Variants in ERCC4 observed in about 807,000 individuals in gnomAD.
ERCC4 encodes ERCC excision repair 4, endonuclease catalytic subunit, also known as DNA repair endonuclease XPF.
ERCC4 carries 65 observed loss-of-function variants against 76.9 expected under a neutral mutation model. The ratio of observed to expected loss-of-function variants is 0.84; its 90% CI spans 0.69 to 1.04. ERCC4 has a LOEUF of 1.04. Among genes scored for constraint, ERCC4 ranks in the 50% least tolerant of loss-of-function variants. The pLI is 0.00. For missense variants in ERCC4, 1,214 were observed against 1,128.2 expected (o/e 1.08, Z -1.09); for synonymous variants, 463 against 410.1 (o/e 1.13, Z -1.56).
In ERCC4 at chr16:13,935,680, C is replaced by T. The variant is rs1277083545; in HGVS notation, c.1748C>T (p.Ala583Val). ...CCAAGATACGTGGTTCTTTATGACGCAGAGCTAACCTTTGTTCGGCAGCTT... is the reference window on the plus strand; with the variant it reads ...CCAAGATACGTGGTTCTTTATGACGTAGAGCTAACCTTTGTTCGGCAGCTT... ...VEPRYVVLYD[A>V]ELTFVRQLEI... is the part of the protein sequence containing the mutation. Residue 583 changes from alanine to valine, a missense_variant, in exon 8 of 11, where the codon GCA becomes GTA. Coordinates refer to ENST00000311895, the MANE Select transcript of ERCC4 (RefSeq NM_005236.3). The T allele has an allele frequency of 6.2e-7, 1 of 1,614,042 alleles. No homozygotes were observed. Among genetic ancestry groups the T allele is most frequent in the Middle Eastern group, 1.6e-4 (1 of 6,084 alleles).
rs752379459 is a variant in ERCC4 at position 13,920,290 on chromosome 16, A to G, written c.125A>G (p.Asp42Gly). 4 of 1,604,638 alleles carry G rather than the reference A, an allele frequency of 2.5e-6. No homozygotes were observed. Among genetic ancestry groups the G allele is most frequent in the African/African-American group, 2.7e-5 (2 of 74,920 alleles). ...GTGTGCGCCCGCGGGCTCGGCGCGG[A>G]CCGGCTCCTCTACCACTTTCTCCAG... ...LVVCARGLGA[D>G]RLLYHFLQLH... Residue 42 changes from aspartate to glycine, a missense_variant, in exon 1 of 11, where the codon GAC (aspartate) becomes GGC (glycine). By Grantham distance (94) the Asp-to-Gly change is moderately conservative. Transcript: ENST00000311895.
At chr16:13,939,510 A>G (rs896434086) in intron 9 of ERCC4, among the ~76,000 whole-genome samples, 1 of 152,116 alleles carries the variant, frequency 6.6e-6, no homozygotes, top group Non-Finnish European at 1.5e-5. Context: ...TTCCCTGAGG[A>G]AATGATATTC....
chr16:13,928,331 GTTA>G, intron 4 of ERCC4, 96 bp downstream of exon 4: 6 of 885,872 alleles, frequency 6.8e-6, no homozygotes, highest in South Asian at 5.9e-5. Flanking sequence ...GGAATTTGCT[GTTA>G]TTTAAGAATA....
intron 2 of ERCC4, 41 bp downstream of exon 2, chr16:13,922,252 CTT>C (rs34861763): frequency 1.9e-4 from 203 of 1,064,828 alleles, no homozygotes; most frequent in Non-Finnish European, 2.2e-4. Flanking sequence ...TAAATTTGTA[CTT>C]TTTTTTTTTT....
rs758658934 is a variant in ERCC4 at position 13,935,634 on chromosome 16, A to T, written c.1702A>T (p.Arg568Trp). The T allele has an allele frequency of 6.2e-7, 1 of 1,614,060 alleles. No homozygotes were observed. Among genetic ancestry groups the T allele is most frequent in the Non-Finnish European group, 8.5e-7 (1 of 1,179,964 alleles). ...TTGCAGCGACCCCTATGCTCTGACA[A>T]GGGTACTACATGAAGTGGAGCCAAG... ...LGCSDPYALTRVLHEVEPRYV... is the reference protein window; with the variant it reads ...LGCSDPYALTWVLHEVEPRYV... Residue 568 changes from arginine to tryptophan, a missense_variant, in exon 8 of 11, where the codon AGG becomes TGG. Physicochemically the swap from Arg to Trp is moderately radical, Grantham distance 101. Coordinates refer to ENST00000311895, the MANE Select transcript of ERCC4 (RefSeq NM_005236.3).
chr16:13,925,994 TA>T (rs2032065142), intron 2 of ERCC4, among the ~76,000 whole-genome samples: 1 of 152,224 alleles, frequency 6.6e-6, no homozygotes, highest in South Asian at 2.1e-4. Context: ...TTAAATGGAC[TA>T]ATTTACCTCT....
Position 13,930,850 on chromosome 16 carries a change from A to G in ERCC4, c.933A>G (p.Glu311=). ...GTGTCACATTTCTTAATCTTCTGGA[A>G]TCTCTGAGAGCAACGGAAAAAGCTT... ...YDCVTFLNLL[E]SLRATEKAFG... Residue 311 remains glutamate (E), a synonymous_variant, in exon 5 of 11, where the codon GAA becomes GAG. Coordinates refer to ENST00000311895, the MANE Select transcript of ERCC4 (RefSeq NM_005236.3). 1 of 1,613,716 alleles carries G rather than the reference A, an allele frequency of 6.2e-7. No individual in the cohort carries two copies. Among genetic ancestry groups the G allele is most frequent in the Non-Finnish European group, 8.5e-7 (1 of 1,179,652 alleles).
At position 13,947,942 on chromosome 16, in the gene ERCC4, T is replaced by C; in HGVS notation, c.2346T>C (p.Asn782=). ...CCTTGTTTCAGGAGATCTCCAGCAATGACATTAGTTCCAAACTCACTCTTC... is the reference window on the plus strand; with the variant it reads ...CCTTGTTTCAGGAGATCTCCAGCAACGACATTAGTTCCAAACTCACTCTTC... ...RGALFQEISS[N]DISSKLTLLT... The change falls in exon 11 of 11, where the codon AAT becomes AAC. Residue 782 remains asparagine (N), a synonymous_variant. Coordinates refer to ENST00000311895, the MANE Select transcript of ERCC4 (RefSeq NM_005236.3). 1.2e-6 allele frequency: 2 copies of C among 1,614,158 alleles called. No homozygotes were observed. The highest frequency in any genetic ancestry group is 1.7e-6 in the Non-Finnish European group (2 of 1,180,024).
rs577202623 is a variant in ERCC4, at chr16:13,930,291, G to C, written c.793-419G>C. On this transcript the variant is annotated intron_variant, in intron 4 of 10. Transcript: ENST00000311895. Reference sequence around the variant, plus strand: ...TGGATCCCATGTCTTTATCCATCCAGGATAGTCAGAGTCAAACTTGGCAGG... The same window carrying C: ...TGGATCCCATGTCTTTATCCATCCACGATAGTCAGAGTCAAACTTGGCAGG... Among the ~76,000 whole-genome samples the C allele has an allele frequency of 4.6e-5, 7 of 152,086 alleles. No individual in the cohort carries two copies. In the South Asian group the frequency reaches 1.5e-3, roughly 32 times the overall value.
chr16:13,931,738 A>T (rs1255945797), intron 5 of ERCC4: 3 of 175,774 alleles, frequency 1.7e-5, no homozygotes, highest in African/African-American at 7.2e-5. Flanking sequence ...ATTTTCCTAT[A>T]AATTATTACT....
intron 9 of ERCC4, chr16:13,943,941 G>C (rs573616565): frequency 6.6e-6 from 1 of 152,172 alleles, no homozygotes; most frequent in Non-Finnish European, 1.5e-5. Flanking sequence ...GTTCCAAATT[G>C]CGAATCTTAG....
chr16:13,920,707 C>T (rs2031956670), intron 1 of ERCC4, among the ~76,000 whole-genome samples: 1 of 151,516 alleles, frequency 6.6e-6, no homozygotes, highest in Non-Finnish European at 1.5e-5. Context: ...TGACACTGTG[C>T]GGGGACTCTG....
In ERCC4 at chr16:13,948,032, G is replaced by T; in HGVS notation, c.2436G>T (p.Leu812Phe). The change falls in exon 11 of 11, where the codon TTG becomes TTT. Residue 812 changes from leucine to phenylalanine, a missense_variant. Coordinates refer to ENST00000311895, the MANE Select transcript of ERCC4 (RefSeq NM_005236.3). ...CCTCTCCTCATGCAACGGCGGAGTTGTTTGAGGAGCTGAAACAAAGCAAGC... is the reference window on the plus strand; with the variant it reads ...CCTCTCCTCATGCAACGGCGGAGTTTTTTGAGGAGCTGAAACAAAGCAAGC... ...WCPSPHATAELFEELKQSKPQ... is the reference protein window; with the variant it reads ...WCPSPHATAEFFEELKQSKPQ... The T allele has an allele frequency of 5.6e-6, 9 of 1,614,132 alleles. No homozygotes were observed. Among genetic ancestry groups the T allele is most frequent in the Non-Finnish European group, 6.8e-6 (8 of 1,180,038 alleles).
chr16:13,938,080 GGTTT>G (rs1444775358), intron 9 of ERCC4, among the ~76,000 whole-genome samples: 2 of 151,896 alleles, frequency 1.3e-5, no homozygotes, highest in Non-Finnish European at 2.9e-5. Context: ...GCTTTTCAGT[GGTTT>G]GTTTAATAGA....
At position 13,948,648 on chromosome 16, in the gene ERCC4, C is replaced by G; in HGVS notation, c.*301C>G. On this transcript the variant is annotated 3_prime_UTR_variant, in exon 11 of 11. Coordinates refer to ENST00000311895, the MANE Select transcript of ERCC4 (RefSeq NM_005236.3). The stretch of plus-strand genomic sequence containing the variant: ...TACAAGTGATTACAGAAGGTAGAAA[C>G]TTTACCTGATCCTAACAGATCTCAT... 2.4e-6 allele frequency: 1 copy of G among 408,392 alleles called. No homozygotes were observed. Among genetic ancestry groups the G allele is most frequent in the Non-Finnish European group, 4.5e-6 (1 of 222,592 alleles). 25.3% of individuals were successfully genotyped at this position (408,392 alleles called of 1,614,324 possible). A position where few individuals can be genotyped will look rare whatever the true frequency, so the allele number is the denominator to read the frequency against.
chr16:13,941,832 C>T lies in ERCC4; in HGVS notation c.1905-2891C>T, dbSNP rs3136191. On this transcript the variant is annotated intron_variant, in intron 9 of 10. Coordinates refer to ENST00000311895, the MANE Select transcript of ERCC4 (RefSeq NM_005236.3). ...AAAATACGATCACAAAATGGGCTAG[C>T]ATGAGGGCTTAAGTAAATGCCCATT... 2.0e-3 allele frequency among the ~76,000 whole-genome samples: 297 copies of T among 152,270 alleles called. 1 individual carries two copies. The highest frequency in any genetic ancestry group is 6.6e-3 in the African/African-American group (273 of 41,564).
At chr16:13,943,367 G>T (rs963249891) in intron 9 of ERCC4, among the ~76,000 whole-genome samples, 7 of 152,210 alleles carry the variant, frequency 4.6e-5, no homozygotes, top group African/African-American at 1.7e-4. Flanking sequence ...TTACAATCAT[G>T]GCAGAAGGGG....
intron 9 of ERCC4, among the ~76,000 whole-genome samples, chr16:13,940,626 C>T (rs2032395285): frequency 6.6e-6 from 1 of 152,204 alleles, no homozygotes; most frequent in African/African-American, 2.4e-5. Flanking sequence ...CACAGAGTAC[C>T]TCCATGGCTG....
At chr16:13,935,830 T>A in intron 8 of ERCC4, 87 bp downstream of exon 8, 1 of 991,088 alleles carries the variant, frequency 1.0e-6, no homozygotes, top group Non-Finnish European at 1.6e-6. Flanking sequence ...TAGTTTTCTT[T>A]AATATCCGTT....
Sources: gnomAD v4.1 joint callset for allele counts (sites outside exome capture counted in the v4.1 genomes callset) on GRCh38, gnomAD v4.1.1 for gene constraint, MANE v1.5 for transcripts, NCBI Gene and HGNC (gene_info 2026-07-23, HGNC 2026-07-21) for gene names.